The following DLGAP1 variants were observed in gnomAD, a reference collection of about 807,000 sequenced individuals.
DLGAP1 encodes disks large-associated protein 1.
In DLGAP1, 11 loss-of-function variants were observed where a neutral mutation model predicts 90.8. That is an observed-to-expected ratio of 0.12 (90% CI 0.08 to 0.20). The LOEUF (loss-of-function observed/expected upper bound fraction) is 0.20, where lower values mean the gene tolerates loss of function less well. Among genes scored for constraint, DLGAP1 ranks in the 10% least tolerant of loss-of-function variants. The pLI is 1.00. For synonymous variants in DLGAP1, 558 were observed against 540.7 expected, an observed-to-expected ratio of 1.03 and a Z score of -0.44; for missense variants, 1,050 against 1,333.8, an observed-to-expected ratio of 0.79 and a Z score of 3.31.
chr18:3,632,506 T>C (rs1599638117), intron 7 of DLGAP1, among the ~76,000 whole-genome samples: 1 of 152,146 alleles, frequency 6.6e-6, no homozygotes, highest in East Asian at 1.9e-4. Context: ...TTTCACCATG[T>C]TGGCCAGGCT....
intron 1 of DLGAP1, among the ~76,000 whole-genome samples, chr18:4,345,795 T>C (rs926999913): frequency 6.6e-6 from 1 of 152,234 alleles, no homozygotes; most frequent in Admixed American, 6.5e-5. Flanking sequence ...TTAGTTAATA[T>C]AGCTTTCCAA....
chr18:4,248,544 G>C (rs571768692), intron 1 of DLGAP1: 3 of 152,206 alleles, frequency 2.0e-5, no homozygotes, highest in Non-Finnish European at 4.4e-5. Context: ...GGGGAAAGGG[G>C]AGACATTTAG....
intron 2 of DLGAP1, among the ~76,000 whole-genome samples, chr18:4,149,362 T>C (rs2076635852): frequency 6.6e-6 from 1 of 152,244 alleles, no homozygotes; most frequent in African/African-American, 2.4e-5. Context: ...TTATTTAATG[T>C]CTTTAAAACA....
At chr18:3,518,399 A>G (rs1253428693) in intron 10 of DLGAP1, among the ~76,000 whole-genome samples, 1 of 152,232 alleles carries the variant, frequency 6.6e-6, no homozygotes, top group Non-Finnish European at 1.5e-5. Context: ...ATAATAATGA[A>G]AACACTTGAA....
Position 3,653,930 on chromosome 18 carries a change from G to C in DLGAP1, c.1592-71682C>G, listed in dbSNP as rs538290461. The C allele has an allele frequency of 6.6e-6, 1 of 151,064 alleles. No individual in the cohort carries two copies. Among genetic ancestry groups the C allele is most frequent in the Admixed American group, 6.6e-5 (1 of 15,260 alleles). The allele number at this position is 151,064 out of a possible 1,614,324, so 9.4% of individuals were successfully genotyped here. A position where few individuals can be genotyped will look rare whatever the true frequency, so the allele number is the denominator to read the frequency against. ...TGGCAAGGCCGACCATCTGAGGTTT[G>C]ATTTCTCATCAAGAGATAGTGTCCG... On this transcript the variant is annotated intron_variant, in intron 7 of 12. Coordinates refer to ENST00000315677, the MANE Select transcript of DLGAP1 (RefSeq NM_004746.4). This position sits in a 1 kb window ranked among gnomAD's most constrained non-coding sequence, Gnocchi z 4.6.
rs544859487 is a variant in DLGAP1 at position 3,568,900 on chromosome 18, A to C, written c.1966-1319T>G. 5.3e-4 allele frequency among the ~76,000 whole-genome samples: 80 copies of C among 151,942 alleles called. 1 individual carries two copies. The South Asian group carries it at 0.016, about 30-fold the overall frequency. On this transcript the variant is annotated intron_variant, in intron 8 of 12. Transcript: ENST00000315677. Reference sequence around the variant, plus strand: ...ACGGGGTTTCACTGTGTTAGCCAGGATGGTCTCGATCTCCTGACCTCGTGA... The same window carrying C: ...ACGGGGTTTCACTGTGTTAGCCAGGCTGGTCTCGATCTCCTGACCTCGTGA...
intron 10 of DLGAP1, among the ~76,000 whole-genome samples, chr18:3,520,608 A>C (rs1198627271): frequency 6.6e-6 from 1 of 152,104 alleles, no homozygotes; most frequent in Non-Finnish European, 1.5e-5. Flanking sequence ...CAGAGGGGAG[A>C]ATCAGGGAAA....
intron 4 of DLGAP1, among the ~76,000 whole-genome samples, chr18:3,869,968 T>C (rs1329818576): frequency 6.6e-6 from 1 of 152,208 alleles, no homozygotes; most frequent in Non-Finnish European, 1.5e-5. Context: ...ATAGAAGTGC[T>C]AAGTAGAGCC....
intron 4 of DLGAP1, among the ~76,000 whole-genome samples, chr18:3,842,583 G>GT (rs113749275): frequency 2.7e-3 from 390 of 142,662 alleles, no homozygotes; most frequent in East Asian, 3.5e-3. Flanking sequence ...AAGATTTGGT[G>GT]TTTTTTTTTT....
intron 2 of DLGAP1, among the ~76,000 whole-genome samples, chr18:4,144,129 G>A (rs1303192073): frequency 6.6e-6 from 1 of 152,202 alleles, no homozygotes; most frequent in Non-Finnish European, 1.5e-5. Context: ...CGACTAGATC[G>A]TGAGCACGCC....
intron 10 of DLGAP1, among the ~76,000 whole-genome samples, chr18:3,515,034 C>T (rs779455658): frequency 6.6e-6 from 1 of 152,294 alleles, no homozygotes; most frequent in African/African-American, 2.4e-5. Context: ...TGAGTCACTG[C>T]CCCGGCTGGC....
intron 5 of DLGAP1, among the ~76,000 whole-genome samples, chr18:3,744,517 C>T (rs193043352): frequency 1.2e-3 from 182 of 152,222 alleles, no homozygotes; most frequent in East Asian, 7.5e-3. Flanking sequence ...CTAAATTTAT[C>T]TATAAATTTA....
At chr18:3,566,704 C>G (rs997269080) in intron 9 of DLGAP1, among the ~76,000 whole-genome samples, 1 of 152,110 alleles carries the variant, frequency 6.6e-6, no homozygotes, top group East Asian at 1.9e-4. Flanking sequence ...AGATGATACA[C>G]TGATTTATAA....
intron 4 of DLGAP1, among the ~76,000 whole-genome samples, chr18:3,864,207 A>T (rs952583908): frequency 3.3e-5 from 5 of 152,234 alleles, no homozygotes; most frequent in African/African-American, 9.6e-5. Context: ...TGTGAGGGGA[A>T]TACATGTTAC....
intron 1 of DLGAP1, among the ~76,000 whole-genome samples, chr18:4,362,020 A>G (rs2081640807): frequency 1.3e-5 from 2 of 152,226 alleles, no homozygotes; most frequent in South Asian, 4.1e-4. Context: ...ATGAAAATCA[A>G]AATTAGAGTG....
intron 1 of DLGAP1, among the ~76,000 whole-genome samples, chr18:4,413,794 G>T (rs1284018688): frequency 6.6e-6 from 1 of 152,122 alleles, no homozygotes; most frequent in African/African-American, 2.4e-5. Flanking sequence ...CTTATCTGGG[G>T]GTTACTGACA....
intron 1 of DLGAP1, among the ~76,000 whole-genome samples, chr18:4,166,656 G>A (rs369465593): frequency 2.4e-4 from 36 of 152,284 alleles, no homozygotes; most frequent in Admixed American, 3.9e-4. Context: ...CACCATCCAC[G>A]TGTTCATGAA....
chr18:4,292,010 C>T lies in DLGAP1; in HGVS notation c.-266-140723G>A, dbSNP rs144183312. Among the ~76,000 whole-genome samples, 888 of 152,230 alleles carry T rather than the reference C, an allele frequency of 5.8e-3. 9 individuals are homozygous for T. Among genetic ancestry groups the T allele is most frequent in the African/African-American group, 0.02 (815 of 41,552 alleles). On this transcript the variant is annotated intron_variant, in intron 1 of 12. Coordinates refer to ENST00000315677, the MANE Select transcript of DLGAP1 (RefSeq NM_004746.4). ...CATTTGTTAGATTCTCACATACACACCGTGAATCAGTAGATGCCCAATAAC... is the reference window on the plus strand; with the variant it reads ...CATTTGTTAGATTCTCACATACACATCGTGAATCAGTAGATGCCCAATAAC...
intron 1 of DLGAP1, among the ~76,000 whole-genome samples, chr18:4,168,529 T>TAAA (rs1225217045): frequency 2.0e-5 from 3 of 152,138 alleles, no homozygotes; most frequent in Non-Finnish European, 4.4e-5. Flanking sequence ...TAAAACTTTA[T>TAAA]ACCCATTAAA....
Sources: allele counts gnomAD v4.1 joint callset (sites outside exome capture counted in the v4.1 genomes callset), GRCh38; gene constraint gnomAD v4.1.1; non-coding constraint Gnocchi (gnomAD v3.1); transcripts MANE v1.5; gene names NCBI Gene and HGNC (gene_info 2026-07-23, HGNC 2026-07-21).